Variants in CDKAL1 observed in about 807,000 individuals in gnomAD.
The protein encoded by CDKAL1 is CDKAL1 threonylcarbamoyladenosine tRNA methylthiotransferase.
A neutral mutation model predicts 68.2 loss-of-function variants in CDKAL1; 32 were observed. The ratio of observed to expected loss-of-function variants is 0.47; its 90% CI spans 0.35 to 0.63. The LOEUF is 0.63. Among genes scored for constraint, CDKAL1 ranks in the 30% least tolerant of loss-of-function variants. CDKAL1 has a pLI of 0.00. For missense variants in CDKAL1, 606 were observed against 696.7 expected (o/e 0.87, Z 1.47); for synonymous variants, 234 against 244.3 (o/e 0.96, Z 0.39).
chr6:20,878,089 T>C (rs1760619331), intron 9 of CDKAL1, among the ~76,000 whole-genome samples: 1 of 152,232 alleles, frequency 6.6e-6, no homozygotes, highest in Non-Finnish European at 1.5e-5. Context: ...TTCTTGGCAA[T>C]ACTGTGGTAT....
At chr6:21,198,491 C>T (rs1282207761) in intron 14 of CDKAL1, among the ~76,000 whole-genome samples, 1 of 152,138 alleles carries the variant, frequency 6.6e-6, no homozygotes, top group Admixed American at 6.5e-5. Flanking sequence ...GATTTCCTCT[C>T]GCTGGTACAT....
intron 15 of CDKAL1, among the ~76,000 whole-genome samples, chr6:21,214,079 G>T (rs1450561900): frequency 6.6e-6 from 1 of 152,076 alleles, no homozygotes; most frequent in Non-Finnish European, 1.5e-5. Context: ...ACACCAGAAA[G>T]GGCAAATATT....
intron 9 of CDKAL1, among the ~76,000 whole-genome samples, chr6:20,940,098 C>T (rs2150693963): frequency 6.6e-6 from 1 of 152,216 alleles, no homozygotes; most frequent in East Asian, 1.9e-4. Context: ...TCCAAGATAA[C>T]TTAAAGATAA....
At chr6:20,727,777 G>A (rs1450498537) in intron 5 of CDKAL1, among the ~76,000 whole-genome samples, 1 of 152,100 alleles carries the variant, frequency 6.6e-6, no homozygotes, top group Non-Finnish European at 1.5e-5. Flanking sequence ...TTTTTGGATG[G>A]TATATTCTTG....
At chr6:20,590,422 T>C (rs866698972) in intron 4 of CDKAL1, among the ~76,000 whole-genome samples, 1 of 152,164 alleles carries the variant, frequency 6.6e-6, no homozygotes, top group African/African-American at 2.4e-5. Flanking sequence ...GTTCAAAACA[T>C]AGGTATACAC....
chr6:21,057,781 T>C (rs186976496), intron 11 of CDKAL1, among the ~76,000 whole-genome samples: 1 of 152,354 alleles, frequency 6.6e-6, no homozygotes, highest in African/African-American at 2.4e-5. Flanking sequence ...CCAGGAGTCA[T>C]TCAGGAGCAG....
At chr6:21,125,296 G>A (rs1486634562) in intron 13 of CDKAL1, among the ~76,000 whole-genome samples, 1 of 152,090 alleles carries the variant, frequency 6.6e-6, no homozygotes, top group Non-Finnish European at 1.5e-5. Flanking sequence ...TGTGAAGAAG[G>A]TGCCTTGCTT....
chr6:21,074,929 C>A (rs191966581), intron 12 of CDKAL1, among the ~76,000 whole-genome samples: 2 of 151,362 alleles, frequency 1.3e-5, no homozygotes, highest in Non-Finnish European at 2.9e-5. Context: ...TACATTGTAC[C>A]CAAAATGTAG....
chr6:20,912,645 TA>T (rs1264691655), intron 9 of CDKAL1, among the ~76,000 whole-genome samples: 1 of 151,088 alleles, frequency 6.6e-6, no homozygotes, highest in African/African-American at 2.4e-5. Context: ...TTACTAGACA[TA>T]TTTTTTTTAA....
intron 13 of CDKAL1, among the ~76,000 whole-genome samples, chr6:21,177,269 C>T (rs568898724): frequency 5.3e-5 from 8 of 152,064 alleles, no homozygotes; most frequent in Non-Finnish European, 1.2e-4. Context: ...TTTTTTTCCT[C>T]CACTTTAATA....
chr6:21,170,091 T>C (rs1777320041), intron 13 of CDKAL1, among the ~76,000 whole-genome samples: 2 of 152,112 alleles, frequency 1.3e-5, no homozygotes, highest in Non-Finnish European at 2.9e-5. Context: ...TGAAGACAGC[T>C]AATGTTCTGT....
chr6:20,546,588 C>G (rs531451669), intron 3 of CDKAL1, 65 bp downstream of exon 3: 7 of 1,421,170 alleles, frequency 4.9e-6, no homozygotes, highest in South Asian at 3.8e-5. Flanking sequence ...GAGTCTTGCT[C>G]TGTCGCCCAG....
intron 2 of CDKAL1, among the ~76,000 whole-genome samples, chr6:20,535,810 G>T (rs1763144443): frequency 6.6e-6 from 1 of 152,158 alleles, no homozygotes; most frequent in Admixed American, 6.5e-5. Context: ...CCTGTCAACA[G>T]TTATTTGTCT....
chr6:21,020,902 T>C (rs1437234325), intron 11 of CDKAL1, among the ~76,000 whole-genome samples: 2 of 151,740 alleles, frequency 1.3e-5, no homozygotes, highest in East Asian at 1.9e-4. Context: ...TGTGTGTGTG[T>C]GCCACGGTAC....
At chr6:21,071,362 AAGG>A (rs1771760555) in intron 12 of CDKAL1, among the ~76,000 whole-genome samples, 1 of 152,064 alleles carries the variant, frequency 6.6e-6, no homozygotes, top group Non-Finnish European at 1.5e-5. Flanking sequence ...CCACCTTGTG[AAGG>A]GGGTGCCTGC....
At chr6:20,756,827 C>CCTTCCTTG (rs1774195524) in intron 6 of CDKAL1, 1 of 146,574 alleles carries the variant, frequency 6.8e-6, no homozygotes, top group Non-Finnish European at 1.5e-5. Context: ...TTCCTTCCTT[C>CCTTCCTTG]CTTCCTTCCT....
intron 4 of CDKAL1, among the ~76,000 whole-genome samples, chr6:20,601,224 C>T (rs1246888616): frequency 6.6e-6 from 1 of 152,084 alleles, no homozygotes; most frequent in Non-Finnish European, 1.5e-5. Context: ...TAATTAAATG[C>T]AAATAGGGTA....
intron 4 of CDKAL1, among the ~76,000 whole-genome samples, chr6:20,582,996 A>C (rs1765198770): frequency 1.3e-5 from 2 of 151,456 alleles, no homozygotes; most frequent in African/African-American, 4.9e-5. Flanking sequence ...AGGTTCTGGT[A>C]ATAAGAAAGA....
chr6:20,850,146 T>C (rs1758931778), intron 9 of CDKAL1, among the ~76,000 whole-genome samples: 1 of 152,120 alleles, frequency 6.6e-6, no homozygotes, highest in Non-Finnish European at 1.5e-5. Context: ...GCCTGTCTTA[T>C]AATGAATAAG....
Sources: allele counts gnomAD v4.1 joint callset (sites outside exome capture counted in the v4.1 genomes callset), GRCh38; gene constraint gnomAD v4.1.1; transcripts MANE v1.5; gene names NCBI Gene and HGNC (gene_info 2026-07-23, HGNC 2026-07-21).